Variants in SEMA5A observed in about 807,000 individuals in gnomAD.
The protein encoded by SEMA5A is semaphorin 5A.
A neutral mutation model predicts 135.5 loss-of-function variants in SEMA5A; 55 were observed. The ratio of observed to expected loss-of-function variants is 0.41; its 90% CI spans 0.33 to 0.51. SEMA5A has a LOEUF of 0.51. SEMA5A is among the 20% of genes least tolerant of loss of function. The pLI is 0.37. For synonymous variants in SEMA5A, 580 were observed against 546.5 expected (o/e 1.06, Z -0.85); for missense variants, 1,290 against 1,419.9 (o/e 0.91, Z 1.47).
chr5:9,353,083 GGAAA>G (rs1335676853), intron 3 of SEMA5A, among the ~76,000 whole-genome samples: 1 of 20,638 alleles, frequency 4.8e-5, no homozygotes, highest in East Asian at 1.9e-3. Flanking sequence ...GGAAAGGAAA[GGAAA>G]GGAAAGGAAG....
chr5:9,510,933 A>T (rs1011924764), intron 1 of SEMA5A, among the ~76,000 whole-genome samples: 4 of 152,250 alleles, frequency 2.6e-5, no homozygotes, highest in African/African-American at 9.6e-5. Context: ...ACCATGGTCC[A>T]TTCGGCCTGC....
At chr5:9,510,021 G>A (rs1186540133) in intron 1 of SEMA5A, among the ~76,000 whole-genome samples, 2 of 152,188 alleles carry the variant, frequency 1.3e-5, no homozygotes, top group Non-Finnish European at 2.9e-5. Context: ...GGGATAGAAT[G>A]TCTAGGGAAG....
intron 8 of SEMA5A, among the ~76,000 whole-genome samples, chr5:9,220,241 T>A (rs943335718): frequency 6.6e-6 from 1 of 152,148 alleles, no homozygotes; most frequent in Non-Finnish European, 1.5e-5. Context: ...AAAGACTATA[T>A]ACAGGGTACG....
intron 1 of SEMA5A, among the ~76,000 whole-genome samples, chr5:9,480,512 T>A (rs917003886): frequency 1.3e-5 from 2 of 152,180 alleles, no homozygotes; most frequent in Non-Finnish European, 2.9e-5. Flanking sequence ...AGTTATTTAT[T>A]TAGCCAATTA....
chr5:9,100,762 T>C (rs939365524), intron 16 of SEMA5A, among the ~76,000 whole-genome samples: 2 of 152,216 alleles, frequency 1.3e-5, no homozygotes, highest in Non-Finnish European at 2.9e-5. Context: ...AAAATAATGG[T>C]TGGGATCCTA....
intron 5 of SEMA5A, among the ~76,000 whole-genome samples, chr5:9,281,780 G>T (rs1031044416): frequency 6.6e-6 from 1 of 151,434 alleles, no homozygotes; most frequent in African/African-American, 2.4e-5. Flanking sequence ...TGTGACTAAT[G>T]GACATCAGTC....
chr5:9,403,772 G>T (rs1756765246), intron 2 of SEMA5A, among the ~76,000 whole-genome samples: 1 of 152,122 alleles, frequency 6.6e-6, no homozygotes, highest in African/African-American at 2.4e-5. Flanking sequence ...TAAAATAGGA[G>T]GGAACGAGAG....
chr5:9,390,626 G>A (rs1261137559), intron 2 of SEMA5A, among the ~76,000 whole-genome samples: 1 of 151,894 alleles, frequency 6.6e-6, no homozygotes, highest in African/African-American at 2.4e-5. Context: ...CAATGGATTA[G>A]ACATGTCAAT....
intron 18 of SEMA5A, among the ~76,000 whole-genome samples, chr5:9,058,592 A>C (rs1359138969): frequency 6.6e-6 from 1 of 152,234 alleles, no homozygotes; most frequent in Non-Finnish European, 1.5e-5. Flanking sequence ...TTCTTGTTGT[A>C]GAGATTCTAG....
At chr5:9,097,613 C>A (rs1055892468) in intron 16 of SEMA5A, among the ~76,000 whole-genome samples, 1 of 152,144 alleles carries the variant, frequency 6.6e-6, no homozygotes, top group African/African-American at 2.4e-5. Context: ...TGATCTCCAC[C>A]TTTTCTGTAC....
chr5:9,382,916 T>C (rs1297369642), intron 2 of SEMA5A, among the ~76,000 whole-genome samples: 3 of 152,118 alleles, frequency 2.0e-5, no homozygotes, highest in African/African-American at 7.2e-5. Context: ...AACATTCAGG[T>C]TGGGCAGAGA....
At chr5:9,458,074 A>T (rs1191173857) in intron 1 of SEMA5A, among the ~76,000 whole-genome samples, 3 of 149,456 alleles carry the variant, frequency 2.0e-5, no homozygotes, top group Admixed American at 6.6e-5. Flanking sequence ...CGCCCAGCTA[A>T]TTTTTTGTAT....
rs889566347 is a variant in SEMA5A, at chr5:9,545,017, G to A, written c.-175+567C>T. Among the ~76,000 whole-genome samples, 2 of 152,300 alleles carry A rather than the reference G, an allele frequency of 1.3e-5. 1 individual carries two copies. The highest frequency in any genetic ancestry group is 1.3e-4 in the Admixed American group (2 of 15,312). On this transcript the variant is annotated intron_variant, in intron 1 of 22. Coordinates refer to ENST00000382496, the MANE Select transcript of SEMA5A (RefSeq NM_003966.3). The surrounding 1 kb of genome is among the most constrained non-coding windows in gnomAD (Gnocchi z 4.5). ...AGCGCACCTGGCTGGTGGTTCCCCA[G>A]GCCTCTGCATCCCCCGCCTTAGTGT...
intron 1 of SEMA5A, among the ~76,000 whole-genome samples, chr5:9,481,690 T>C (rs1247094474): frequency 6.6e-6 from 1 of 152,204 alleles, no homozygotes; most frequent in Admixed American, 6.5e-5. Context: ...CTTATTTGTT[T>C]AGAGCCCAGA....
chr5:9,297,305 G>A (rs1751386762), intron 5 of SEMA5A, among the ~76,000 whole-genome samples: 2 of 152,058 alleles, frequency 1.3e-5, no homozygotes, highest in South Asian at 2.1e-4. Flanking sequence ...CATAGCTGTG[G>A]TGTGAATGAC....
At chr5:9,417,978 CTTTT>C (rs113658144) in intron 2 of SEMA5A, among the ~76,000 whole-genome samples, 3 of 138,536 alleles carry the variant, frequency 2.2e-5, no homozygotes. Flanking sequence ...AGTGTCTCTT[CTTTT>C]TTTTTTTTTT....
intron 15 of SEMA5A, among the ~76,000 whole-genome samples, chr5:9,110,710 A>T (rs1264819805): frequency 1.3e-5 from 2 of 152,226 alleles, no homozygotes; most frequent in African/African-American, 4.8e-5. Flanking sequence ...CAAGCAGTTT[A>T]GTTTGTCTAA....
chr5:9,206,328 A>G (rs1274325803), intron 8 of SEMA5A, among the ~76,000 whole-genome samples: 5 of 152,238 alleles, frequency 3.3e-5, no homozygotes, highest in African/African-American at 1.2e-4. Flanking sequence ...TGTACAAAAT[A>G]TATCATGTTA....
intron 18 of SEMA5A, 135 bp downstream of exon 18, chr5:9,062,752 C>T (rs1737251819): frequency 8.0e-6 from 7 of 878,120 alleles, no homozygotes; most frequent in Non-Finnish European, 1.3e-5. Context: ...TGAGCAACCA[C>T]GCATAGCCAA....
Sources: allele counts gnomAD v4.1 joint callset (sites outside exome capture counted in the v4.1 genomes callset), GRCh38; gene constraint gnomAD v4.1.1; non-coding constraint Gnocchi (gnomAD v3.1); transcripts MANE v1.5; gene names NCBI Gene and HGNC (gene_info 2026-07-23, HGNC 2026-07-21).